Variants in CD70 observed in about 807,000 individuals in gnomAD.
CD70 encodes CD70 antigen.
A neutral mutation model predicts 9.0 loss-of-function variants in CD70; 6 were observed. The ratio of observed to expected loss-of-function variants is 0.67; its 90% confidence interval spans 0.37 to 1.32. The LOEUF (loss-of-function observed/expected upper bound fraction) is 1.32. Among genes scored for constraint, CD70 ranks in the 40% most tolerant of loss-of-function variants. CD70 has a pLI of 0.02. For missense variants in CD70, 235 were observed against 258.7 expected, an observed-to-expected ratio of 0.91 and a Z score of 0.63; for synonymous variants, 108 against 112.3, an observed-to-expected ratio of 0.96 and a Z score of 0.24.
downstream of CD70, among the ~76,000 whole-genome samples, chr19:6,585,435 T>C (rs1915995004): frequency 6.7e-6 from 1 of 149,382 alleles, no homozygotes; most frequent in Non-Finnish European, 1.5e-5. Context: ...GCCTTTGACC[T>C]CCTGGGCTCT....
intron 2 of CD70, among the ~76,000 whole-genome samples, chr19:6,587,377 C>T (rs1004198630): frequency 6.6e-6 from 1 of 150,746 alleles, no homozygotes; most frequent in East Asian, 2.0e-4. Context: ...AGAGAGTGCA[C>T]GAGACAGAGT....
intron 2 of CD70, 106 bp downstream of exon 2, chr19:6,589,997 G>T: frequency 1.1e-6 from 1 of 869,964 alleles, no homozygotes; most frequent in Non-Finnish European, 1.9e-6. Context: ...CTCCGTCTCT[G>T]TCTGTGTCTC....
Position 6,590,049 on chromosome 19 carries a change from C to A in CD70, c.196+54G>T. 6.8e-7 allele frequency: 1 copy of A among 1,470,034 alleles called. No homozygotes were observed. Among genetic ancestry groups the A allele is most frequent in the Non-Finnish European group, 9.5e-7 (1 of 1,057,010 alleles). The allele number at this position is 1,470,034 out of a possible 1,614,324, so 91.1% of individuals were successfully genotyped here. On this transcript the variant is annotated intron_variant, in intron 2 of 2. Transcript: ENST00000245903. The surrounding 1 kb of genome is among the most constrained non-coding windows in gnomAD (Gnocchi z 5.3). ...CCCACTTGTCTTTCTACCTCTCCTT[C>A]CTTCTCTCTCTGTGCCTCTTCTTCT...
At chr19:6,588,814 G>A (rs1916085338) in intron 2 of CD70, among the ~76,000 whole-genome samples, 2 of 151,932 alleles carry the variant, frequency 1.3e-5, no homozygotes, top group South Asian at 4.1e-4. Context: ...TATTTTTTTG[G>A]TCATCTCCTC....
rs182050995 is a variant in CD70, at chr19:6,586,028, G to T, written c.574C>A (p.Arg192Ser). Residue 192 changes from arginine (R) to serine (S), a missense_variant, in exon 3 of 3, where the codon CGC becomes AGC. By Grantham distance (110) the Arg-to-Ser change is moderately radical. Coordinates refer to ENST00000245903, the MANE Select transcript of CD70 (RefSeq NM_001252.5). ...DETFFGVQWVRP is the reference protein window; with the variant it reads ...DETFFGVQWVSP ...CTAATCAGCAGCAGTGGTCAGGGGC[G>T]CACCCACTGCACTCCAAAGAAGGTC... 2.0e-5 allele frequency: 32 copies of T among 1,607,796 alleles called. No individual in the cohort carries two copies. The highest frequency in any genetic ancestry group is 1.9e-5 in the Non-Finnish European group (22 of 1,174,772).
At position 6,590,789 on chromosome 19, in the gene CD70, T is replaced by C. The variant is rs1916139205; in HGVS notation, c.162+52A>G. ...TTTGTACCCATCTCATTCTGTCTTT[T>C]CGGTCACGCGCCTCTCTATGTTTTC... On this transcript the variant is annotated intron_variant, in intron 1 of 2. Transcript: ENST00000245903. This position sits in a 1 kb window ranked among gnomAD's most constrained non-coding sequence, Gnocchi z 5.3. 1 of 1,486,324 alleles carries C rather than the reference T, an allele frequency of 6.7e-7. No homozygotes were observed. The highest frequency in any genetic ancestry group is 1.4e-5 in the African/African-American group (1 of 72,672). The allele number at this position is 1,486,324 out of a possible 1,614,324, so 92.1% of individuals were successfully genotyped here.
rs1916149339 is a variant in CD70, at chr19:6,591,076, A to G, written c.-74T>C. ...GAGCGCTGCCGAGAAGGAAGGAAGGAAACTGCAGCCCCCTCCCGGGGCTCC... is the reference window on the plus strand; with the variant it reads ...GAGCGCTGCCGAGAAGGAAGGAAGGGAACTGCAGCCCCCTCCCGGGGCTCC... On this transcript the variant is annotated 5_prime_UTR_variant, in exon 1 of 3. Transcript: ENST00000245903. 6.8e-7 allele frequency: 1 copy of G among 1,477,778 alleles called. No individual in the cohort carries two copies. The highest frequency in any genetic ancestry group is 1.4e-5 in the South Asian group (1 of 73,502). 91.5% of individuals were successfully genotyped at this position (1,477,778 alleles called of 1,614,324 possible). A position where few individuals can be genotyped will look rare whatever the true frequency, so the allele number is the denominator to read the frequency against.
chr19:6,583,553 C>CTTTTTTTTTTTT (rs72193958), downstream of CD70: 1 of 349,212 alleles, frequency 2.9e-6, no homozygotes, highest in Non-Finnish European at 5.1e-6. Context: ...TAATTGTAGT[C>CTTTTTTTTTTTT]TTTTTTTTTT....
chr19:6,584,272 G>A (rs1915974266), downstream of CD70, among the ~76,000 whole-genome samples: 1 of 151,760 alleles, frequency 6.6e-6, no homozygotes, highest in Admixed American at 6.6e-5. Context: ...CACTTTGGGA[G>A]GCCGAGGCGG....
rs891484187 is a variant in CD70, at chr19:6,585,914, C to A, written c.*106G>T. 28 of 744,704 alleles carry A rather than the reference C, an allele frequency of 3.8e-5. No individual in the cohort carries two copies. The highest frequency in any genetic ancestry group is 2.6e-4 in the South Asian group (13 of 49,768). 46.1% of individuals were successfully genotyped at this position (744,704 alleles called of 1,614,324 possible). ...CTCTTGTCCTGCCACCACTACCCCC[C>A]ACCACACTCCCACCCCAACCCCGGG... On this transcript the variant is annotated 3_prime_UTR_variant, in exon 3 of 3. Transcript: ENST00000245903.
chr19:6,582,528 G>C (rs116392432), downstream of CD70, among the ~76,000 whole-genome samples: 1 of 109,780 alleles, frequency 9.1e-6, no homozygotes, highest in African/African-American at 3.5e-5. Flanking sequence ...CACACTCCAC[G>C]ACAGGCCCCG....
At chr19:6,588,864 G>A (rs1916086502) in intron 2 of CD70, among the ~76,000 whole-genome samples, 3 of 152,224 alleles carry the variant, frequency 2.0e-5, no homozygotes. Flanking sequence ...TCACCAGGCA[G>A]GGATTTCTGT....
chr19:6,588,755 G>A (rs1916083797), intron 2 of CD70, among the ~76,000 whole-genome samples: 2 of 152,092 alleles, frequency 1.3e-5, no homozygotes, highest in African/African-American at 2.4e-5. Context: ...CCTGCTCTTG[G>A]CCTGTTTTAC....
downstream of CD70, chr19:6,583,319 T>C (rs142340418): frequency 1.4e-3 from 995 of 699,352 alleles, 5 homozygotes; most frequent in African/African-American, 0.015. Flanking sequence ...TACGCCTCTG[T>C]TTTCCTCATC....
Position 6,590,742 on chromosome 19 carries a change from C to A in CD70, c.162+99G>T, listed in dbSNP as rs192078520. On this transcript the variant is annotated intron_variant, in intron 1 of 2. Transcript: ENST00000245903. This position sits in a 1 kb window ranked among gnomAD's most constrained non-coding sequence, Gnocchi z 5.3. ...TGTTCTGGTCTCTGTCTCTGCCCTA[C>A]CAGATCTTCCTCTCTGGCCTCTTTG... 2.0e-5 allele frequency: 23 copies of A among 1,137,064 alleles called. No homozygotes were observed. Among genetic ancestry groups the A allele is most frequent in the Non-Finnish European group, 2.8e-5 (22 of 773,608 alleles). The allele number at this position is 1,137,064 out of a possible 1,614,324, so 70.4% of individuals were successfully genotyped here.
chr19:6,583,121 C>T (rs1915950859), downstream of CD70: 1 of 443,172 alleles, frequency 2.3e-6, no homozygotes. Flanking sequence ...CTCACTTCCC[C>T]TTCTAGAAGT....
rs1213871126 is a variant in CD70, at chr19:6,590,802, T to G, written c.162+39A>C. 1 of 1,557,040 alleles carries G rather than the reference T, an allele frequency of 6.4e-7. No homozygotes were observed. Among genetic ancestry groups the G allele is most frequent in the South Asian group, 1.1e-5 (1 of 87,914 alleles). ...CATTCTGTCTTTTCGGTCACGCGCC[T>G]CTCTATGTTTTCTTCCCAACTTTTC... On this transcript the variant is annotated intron_variant, in intron 1 of 2. Coordinates refer to ENST00000245903, the MANE Select transcript of CD70 (RefSeq NM_001252.5). This position sits in a 1 kb window ranked among gnomAD's most constrained non-coding sequence, Gnocchi z 5.3.
chr19:6,590,032 TCTTTCTACCTCTC>T lies in CD70; in HGVS notation c.196+58_196+70del. The T allele has an allele frequency of 7.8e-7, 1 of 1,278,724 alleles. No individual in the cohort carries two copies. The highest frequency in any genetic ancestry group is 1.1e-6 in the Non-Finnish European group (1 of 889,950). The allele number at this position is 1,278,724 out of a possible 1,614,324, so 79.2% of individuals were successfully genotyped here. A position where few individuals can be genotyped will look rare whatever the true frequency, so the allele number is the denominator to read the frequency against. Reference sequence around the variant, plus strand: ...CTTTCTCTCTGTCTCTCCCCACTTGTCTTTCTACCTCTCCTTCCTTCTCTCTCTGTGCCTCTTC... The same window carrying T: ...CTTTCTCTCTGTCTCTCCCCACTTGTCTTCCTTCTCTCTCTGTGCCTCTTC... On this transcript the variant is annotated intron_variant, in intron 2 of 2. Coordinates refer to ENST00000245903, the MANE Select transcript of CD70 (RefSeq NM_001252.5). This position sits in a 1 kb window ranked among gnomAD's most constrained non-coding sequence, Gnocchi z 5.3.
rs1363625694 is a variant in CD70 at position 6,590,766 on chromosome 19, T to C, written c.162+75A>G. 4 of 1,318,038 alleles carry C rather than the reference T, an allele frequency of 3.0e-6. No homozygotes were observed. The Admixed American group carries it at 7.0e-5, about 23-fold the overall frequency. The allele number at this position is 1,318,038 out of a possible 1,614,324, so 81.6% of individuals were successfully genotyped here. A position where few individuals can be genotyped will look rare whatever the true frequency, so the allele number is the denominator to read the frequency against. ...ACCAGATCTTCCTCTCTGGCCTCTTTGTACCCATCTCATTCTGTCTTTTCG... is the reference window on the plus strand; with the variant it reads ...ACCAGATCTTCCTCTCTGGCCTCTTCGTACCCATCTCATTCTGTCTTTTCG... On this transcript the variant is annotated intron_variant, in intron 1 of 2. Transcript: ENST00000245903. The surrounding 1 kb of genome is among the most constrained non-coding windows in gnomAD (Gnocchi z 5.3).
Sources: gnomAD v4.1 joint callset for allele counts (sites outside exome capture counted in the v4.1 genomes callset) on GRCh38, gnomAD v4.1.1 for gene constraint, Gnocchi (gnomAD v3.1) non-coding constraint, MANE v1.5 for transcripts, NCBI Gene and HGNC (gene_info 2026-07-23, HGNC 2026-07-21) for gene names.